Variants in SORD observed in about 807,000 individuals in gnomAD.
The protein encoded by SORD is sorbitol dehydrogenase, also known as (R,R)-butanediol dehydrogenase.
SORD carries 18 observed loss-of-function variants against 35.6 expected under a neutral mutation model. The ratio of observed to expected loss-of-function variants is 0.51; its 90% CI spans 0.35 to 0.75. SORD has a LOEUF of 0.75. Among genes scored for constraint, SORD ranks in the 30% least tolerant of loss-of-function variants. The probability of loss-of-function intolerance (pLI) is 0.01; values close to 1 mark genes in which losing one functional copy is unlikely to be tolerated. For synonymous variants in SORD, 106 were observed against 152.9 expected, an observed-to-expected ratio of 0.69 and a Z score of 2.26; for missense variants, 250 against 390.2, an observed-to-expected ratio of 0.64 and a Z score of 3.03.
intron 3 of SORD, among the ~76,000 whole-genome samples, chr15:45,051,811 C>A (rs368678604): frequency 7.2e-5 from 11 of 152,286 alleles, no homozygotes; most frequent in African/African-American, 2.6e-4. Context: ...TTTTATAACT[C>A]TCTACAAATT....
intron 2 of SORD, among the ~76,000 whole-genome samples, chr15:45,042,725 G>GTTT (rs546497509): frequency 3.3e-3 from 499 of 151,868 alleles, no homozygotes; most frequent in African/African-American, 0.011. Flanking sequence ...TCCTACTAAT[G>GTTT]ATATATTGTT....
At chr15:45,041,277 C>T (rs1892961880) in intron 2 of SORD, among the ~76,000 whole-genome samples, 1 of 152,060 alleles carries the variant, frequency 6.6e-6, no homozygotes, top group South Asian at 2.1e-4. Flanking sequence ...GCTTTCTAAT[C>T]CCTCCCATCC....
intron 6 of SORD, among the ~76,000 whole-genome samples, chr15:45,068,448 AGTGT>A (rs3042989): frequency 2.6e-5 from 3 of 116,158 alleles, no homozygotes; most frequent in East Asian, 5.9e-4. Context: ...TGTGTGAGAG[AGTGT>A]GTGTGTGTGT....
At chr15:45,071,721 A>G (rs1203543669) in intron 7 of SORD, among the ~76,000 whole-genome samples, 3 of 146,658 alleles carry the variant, frequency 2.0e-5, no homozygotes, top group Non-Finnish European at 4.5e-5. Context: ...ACCCACTCCA[A>G]GTGGGGAACT....
At chr15:45,049,318 C>T (rs1303488374) in intron 3 of SORD, among the ~76,000 whole-genome samples, 1 of 152,056 alleles carries the variant, frequency 6.6e-6, no homozygotes, top group Non-Finnish European at 1.5e-5. Flanking sequence ...CTACTTTCTG[C>T]TGGAGGTGGG....
chr15:45,045,850 A>G (rs936324453), intron 3 of SORD, among the ~76,000 whole-genome samples: 2 of 151,946 alleles, frequency 1.3e-5, no homozygotes, highest in Non-Finnish European at 2.9e-5. Context: ...CAAAAAATAG[A>G]ATTAGCTGGG....
intron 1 of SORD, among the ~76,000 whole-genome samples, chr15:45,025,226 G>T (rs1892650949): frequency 6.6e-6 from 1 of 152,202 alleles, no homozygotes; most frequent in Non-Finnish European, 1.5e-5. Flanking sequence ...GGGTAAAAGA[G>T]TTCAGAGGAG....
chr15:45,040,520 A>G, intron 2 of SORD, 79 bp downstream of exon 2: 1 of 1,083,176 alleles, frequency 9.2e-7, no homozygotes, highest in Non-Finnish European at 1.4e-6. Flanking sequence ...TTGTTCCCTT[A>G]CCTCTCTTTT....
At chr15:45,064,368 A>G (rs1053889718) in intron 4 of SORD, among the ~76,000 whole-genome samples, 2 of 152,198 alleles carry the variant, frequency 1.3e-5, no homozygotes, top group Non-Finnish European at 2.9e-5. Flanking sequence ...GGTTTTCTAA[A>G]AAAGCCTGCC....
intron 4 of SORD, among the ~76,000 whole-genome samples, chr15:45,062,026 T>A (rs1893321938): frequency 6.6e-6 from 1 of 151,886 alleles, no homozygotes; most frequent in South Asian, 2.1e-4. Context: ...ATTATTTCAC[T>A]TTTCTCTGAT....
chr15:45,047,938 A>G (rs186987666), intron 3 of SORD, among the ~76,000 whole-genome samples: 1 of 152,164 alleles, frequency 6.6e-6, no homozygotes, highest in Admixed American at 6.5e-5. Context: ...TCCAATTGTA[A>G]CTTTGATGTG....
intron 3 of SORD, among the ~76,000 whole-genome samples, chr15:45,052,869 T>C (rs1322271448): frequency 6.6e-6 from 1 of 152,160 alleles, no homozygotes; most frequent in Non-Finnish European, 1.5e-5. Context: ...AGTCTGTAAC[T>C]GAGCAAGGAG....
intron 3 of SORD, among the ~76,000 whole-genome samples, chr15:45,046,646 C>T (rs1011974376): frequency 1.3e-5 from 2 of 152,178 alleles, no homozygotes; most frequent in African/African-American, 4.8e-5. Flanking sequence ...TTAACTTGGA[C>T]TTAAAATTCT....
chr15:45,058,789 GA>G (rs1191324924), intron 3 of SORD: 26 of 152,354 alleles, frequency 1.7e-4, no homozygotes, highest in African/African-American at 6.0e-4. Flanking sequence ...GTTTTTATAA[GA>G]AACTTCCCTT....
At position 45,061,107 on chromosome 15, in the gene SORD, T is replaced by C. The variant is rs891634965; in HGVS notation, c.306T>C (p.Asn102=). The C allele has an allele frequency of 3.1e-6, 5 of 1,613,942 alleles. No homozygotes were observed. In the African/African-American group the frequency reaches 6.7e-5, roughly 22 times the overall value. The change falls in exon 4 of 9, where the codon AAT becomes AAC. Residue 102 remains asparagine (N), a synonymous_variant. Coordinates refer to ENST00000267814, the MANE Select transcript of SORD (RefSeq NM_003104.6). ...TCGAGCCTGGTGCTCCCCGAGAAAA[T>C]GATGAATTCTGCAAGATGGGCCGAT... ...VAIEPGAPRE[N]DEFCKMGRYN...
At chr15:45,065,177 A>C in intron 4 of SORD, 94 bp from the exon 5 acceptor site, 4 of 1,125,416 alleles carry the variant, frequency 3.6e-6, no homozygotes, top group Non-Finnish European at 5.2e-6. Flanking sequence ...AATGCTAGCT[A>C]TGGTTGTTAT....
chr15:45,036,332 T>G (rs1371167364), intron 1 of SORD: 1 of 456,008 alleles, frequency 2.2e-6, no homozygotes. Flanking sequence ...TCTGGAAAAC[T>G]CACACAACTA....
At chr15:45,052,023 T>G (rs2437866) in intron 3 of SORD, among the ~76,000 whole-genome samples, 2 of 151,788 alleles carry the variant, frequency 1.3e-5, no homozygotes, top group African/African-American at 2.4e-5. Context: ...TTCAAAACAA[T>G]CCTTTATTTC....
chr15:45,052,779 C>A (rs1183343870), intron 3 of SORD, among the ~76,000 whole-genome samples: 2 of 152,132 alleles, frequency 1.3e-5, no homozygotes, highest in Non-Finnish European at 2.9e-5. Context: ...AACATCCAGT[C>A]ATGGATAAAA....
Sources: allele counts gnomAD v4.1 joint callset (sites outside exome capture counted in the v4.1 genomes callset), GRCh38; gene constraint gnomAD v4.1.1; transcripts MANE v1.5; gene names NCBI Gene and HGNC (gene_info 2026-07-23, HGNC 2026-07-21).